USP7: variants seen among roughly 807,000 people sequenced by gnomAD.
USP7 encodes ubiquitin specific peptidase 7.
A neutral mutation model predicts 162.9 loss-of-function variants in USP7; 9 were observed. The observed-to-expected ratio is 0.06, with a 90% CI of 0.03 to 0.10. The LOEUF (loss-of-function observed/expected upper bound fraction) is 0.10, where lower values mean the gene tolerates loss of function less well. Ranked by LOEUF, USP7 falls within the 10% of genes least tolerant of loss-of-function variation. USP7 has a pLI of 1.00. For synonymous variants in USP7, 562 were observed against 475.9 expected (o/e 1.18, Z -2.35); for missense variants, 715 against 1,373.7 (o/e 0.52, Z 7.58).
At chr16:8,959,285 T>A (rs1899916255) in intron 1 of USP7, among the ~76,000 whole-genome samples, 1 of 151,750 alleles carries the variant, frequency 6.6e-6, no homozygotes. Flanking sequence ...TAGACTGCCT[T>A]AGTCACCACA....
rs2061758090 is a variant in USP7, at chr16:8,900,518, CA to C, written c.2309+11del. 2 of 1,571,242 alleles carry C rather than the reference CA, an allele frequency of 1.3e-6. No individual in the cohort carries two copies. The highest frequency in any genetic ancestry group is 1.7e-6 in the Non-Finnish European group (2 of 1,157,736). ...TAGTACAAAGTGATACAATCCTTCA[CA>C]AAGTACATACTTCTGAAATACTATG... is the stretch of plus-strand genomic sequence containing the variant. On this transcript the variant is annotated intron_variant, in intron 21 of 30. Transcript: ENST00000344836.
intron 2 of USP7, among the ~76,000 whole-genome samples, chr16:8,928,839 T>C (rs574310374): frequency 1.3e-5 from 2 of 152,242 alleles, no homozygotes; most frequent in South Asian, 2.1e-4. Flanking sequence ...AAGGGGACTT[T>C]ACCCATATTG....
chr16:8,938,537 G>T (rs1402452311), intron 1 of USP7, among the ~76,000 whole-genome samples: 1 of 151,626 alleles, frequency 6.6e-6, no homozygotes, highest in Non-Finnish European at 1.5e-5. Context: ...ACGGTGAAAC[G>T]CCGTCTCTAC....
chr16:8,918,983 A>G, intron 6 of USP7, 48 bp downstream of exon 6: 1 of 1,593,540 alleles, frequency 6.3e-7, no homozygotes, highest in South Asian at 1.1e-5. Flanking sequence ...TATACCTGAG[A>G]AGAAAGGGTG....
At chr16:8,943,158 T>C (rs1899125505) in intron 1 of USP7, among the ~76,000 whole-genome samples, 1 of 152,168 alleles carries the variant, frequency 6.6e-6, no homozygotes, top group Admixed American at 6.5e-5. Context: ...TAAAACTATT[T>C]GTTTGGAGCT....
intron 24 of USP7, 44 bp downstream of exon 24, chr16:8,898,487 G>A: frequency 1.2e-6 from 2 of 1,603,426 alleles, no homozygotes; most frequent in Non-Finnish European, 1.7e-6. Flanking sequence ...AAAACCCCGA[G>A]CCTTCTCTTT....
At chr16:8,907,804 A>T (rs757865975) in intron 12 of USP7, among the ~76,000 whole-genome samples, 2 of 152,218 alleles carry the variant, frequency 1.3e-5, no homozygotes, top group Admixed American at 6.5e-5. Flanking sequence ...ACACAGCAAG[A>T]CTCTGTCTCA....
chr16:8,911,935 C>A (rs1480512651), intron 10 of USP7, among the ~76,000 whole-genome samples: 2 of 152,156 alleles, frequency 1.3e-5, no homozygotes, highest in Non-Finnish European at 2.9e-5. Context: ...GGAAAAACCG[C>A]TGAACACCTG....
chr16:8,962,548 C>T, intron 1 of USP7: 1 of 434,058 alleles, frequency 2.3e-6, no homozygotes, highest in South Asian at 1.6e-5. Flanking sequence ...CAAGCGCACA[C>T]CTGGCCGGAT....
chr16:8,898,643 C>T lies in USP7; in HGVS notation c.2532-4G>A. The T allele has an allele frequency of 1.3e-6, 2 of 1,563,686 alleles. No homozygotes were observed. Among genetic ancestry groups the T allele is most frequent in the Non-Finnish European group, 1.7e-6 (2 of 1,157,280 alleles). On this transcript the variant is annotated splice_region_variant and splice_polypyrimidine_tract_variant and intron_variant, in intron 23 of 30. Transcript: ENST00000344836. ...ATTACCTGGGCCATCCCTATAACTA[C>T]ACAAGAAAACAGCATATAAATAAAT...
At position 8,929,197 on chromosome 16, in the gene USP7, C is replaced by G. The variant is rs201923272; in HGVS notation, c.184+1096G>C. Reference sequence around the variant, plus strand: ...GCACACCTAGCGCCTCAGAGCTGGCCATGCCTTCCCAAATGCACTCACTCA... The same window carrying G: ...GCACACCTAGCGCCTCAGAGCTGGCGATGCCTTCCCAAATGCACTCACTCA... On this transcript the variant is annotated intron_variant, in intron 2 of 30. Transcript: ENST00000344836. Among the ~76,000 whole-genome samples the G allele has an allele frequency of 3.3e-4, 51 of 152,328 alleles. No individual in the cohort carries two copies. In the East Asian group the frequency reaches 8.1e-3, roughly 24 times the overall value.
In USP7 at chr16:8,901,254, G is replaced by C; in HGVS notation, c.2048-20C>G. On this transcript the variant is annotated intron_variant, in intron 18 of 30. Transcript: ENST00000344836. The stretch of plus-strand genomic sequence containing the variant: ...CATCATCTACAAGGTTAATAAACAA[G>C]TTTTGTTAAGATCCAAACACTCAGC... 2 of 1,553,960 alleles carry C rather than the reference G, an allele frequency of 1.3e-6. No individual in the cohort carries two copies. The highest frequency in any genetic ancestry group is 1.4e-5 in the African/African-American group (1 of 73,288).
intron 1 of USP7, among the ~76,000 whole-genome samples, chr16:8,934,091 C>A (rs1175508038): frequency 1.3e-5 from 2 of 152,134 alleles, no homozygotes; most frequent in South Asian, 2.1e-4. Context: ...TAGACGTACA[C>A]CCAGTACTTT....
rs58029349 is a variant in USP7, at chr16:8,955,704, C to CAAAA, written c.79+7499_79+7502dup. Among the ~76,000 whole-genome samples the CAAAA allele has an allele frequency of 9.9e-3, 994 of 100,626 alleles. 58 individuals are homozygous for CAAAA. The highest frequency in any genetic ancestry group is 0.012 in the Non-Finnish European group (614 of 51,082). 66.0% of individuals were successfully genotyped at this position (100,626 alleles called of 152,430 possible). On this transcript the variant is annotated intron_variant, in intron 1 of 30. Transcript: ENST00000344836. The stretch of plus-strand genomic sequence containing the variant: ...CTGGCAACAGAGCACGATTCCATCT[C>CAAAA]AAAAAAAAAAAAAAAAAAAAAACAT...
At chr16:8,959,356 C>A (rs1194318130) in intron 1 of USP7, among the ~76,000 whole-genome samples, 52 of 142,514 alleles carry the variant, frequency 3.6e-4, no homozygotes, top group Non-Finnish European at 3.5e-4. Flanking sequence ...AACACTAATT[C>A]AAAAAAAAAA....
At chr16:8,949,073 G>A (rs536872299) in intron 1 of USP7, among the ~76,000 whole-genome samples, 12 of 152,348 alleles carry the variant, frequency 7.9e-5, no homozygotes, top group African/African-American at 2.9e-4. Flanking sequence ...TGATGAAAAT[G>A]TGCTCGAATT....
chr16:8,922,609 G>C (rs1897758155), intron 3 of USP7, among the ~76,000 whole-genome samples: 1 of 152,230 alleles, frequency 6.6e-6, no homozygotes, highest in South Asian at 2.1e-4. Context: ...TGCAGTCCAA[G>C]TCAGCAGCTT....
At chr16:8,926,394 G>T (rs1309382422) in intron 2 of USP7, among the ~76,000 whole-genome samples, 1 of 152,114 alleles carries the variant, frequency 6.6e-6, no homozygotes, top group African/African-American at 2.4e-5. Flanking sequence ...CAGGAGAATC[G>T]CTTGAACCTG....
chr16:8,930,100 T>C (rs1168850704), intron 2 of USP7, among the ~76,000 whole-genome samples, 193 bp downstream of exon 2: 2 of 152,226 alleles, frequency 1.3e-5, no homozygotes, highest in East Asian at 1.9e-4. Context: ...AGGGAGACTC[T>C]ACTTACCTGG....
Sources: allele counts gnomAD v4.1 joint callset (sites outside exome capture counted in the v4.1 genomes callset), GRCh38; gene constraint gnomAD v4.1.1; transcripts MANE v1.5; gene names NCBI Gene and HGNC (gene_info 2026-07-23, HGNC 2026-07-21).